The following SEMA6D variants were observed in gnomAD, a reference collection of about 807,000 sequenced individuals.
The protein encoded by SEMA6D is semaphorin 6D.
A neutral mutation model predicts 106.6 loss-of-function variants in SEMA6D; 35 were observed. The ratio of observed to expected loss-of-function variants is 0.33; its 90% CI spans 0.25 to 0.44. SEMA6D has a LOEUF of 0.44. Ranked by LOEUF, SEMA6D falls within the 20% of genes least tolerant of loss-of-function variation. SEMA6D has a pLI of 1.00. For missense variants in SEMA6D, 1,185 were observed against 1,345.9 expected, an observed-to-expected ratio of 0.88 and a Z score of 1.87; for synonymous variants, 499 against 487.7, an observed-to-expected ratio of 1.02 and a Z score of -0.31.
chr15:47,769,695 A>T (rs2082529311), intron 18 of SEMA6D, among the ~76,000 whole-genome samples: 1 of 152,090 alleles, frequency 6.6e-6, no homozygotes. Flanking sequence ...TCTTAAACTA[A>T]CTTTTTTTTA....
chr15:47,636,038 C>T (rs1474945525), intron 4 of SEMA6D, among the ~76,000 whole-genome samples: 4 of 151,482 alleles, frequency 2.6e-5, no homozygotes, highest in South Asian at 2.1e-4. Flanking sequence ...TCACAGAAGC[C>T]ATCTTGAATG....
At chr15:47,428,120 TAAC>T (rs2041404405) in intron 2 of SEMA6D, among the ~76,000 whole-genome samples, 3 of 152,236 alleles carry the variant, frequency 2.0e-5, no homozygotes, top group African/African-American at 2.4e-5. Context: ...ACATTATTAA[TAAC>T]AACAATATAT....
intron 1 of SEMA6D, among the ~76,000 whole-genome samples, chr15:47,211,100 T>C (rs2029963261): frequency 6.6e-6 from 1 of 152,180 alleles, no homozygotes; most frequent in African/African-American, 2.4e-5. Flanking sequence ...AACAGTTTTG[T>C]GTGTGTGATG....
intron 1 of SEMA6D, among the ~76,000 whole-genome samples, chr15:47,360,840 A>C (rs1199543409): frequency 1.3e-5 from 2 of 152,264 alleles, no homozygotes; most frequent in Non-Finnish European, 2.9e-5. Flanking sequence ...TCAAACACTA[A>C]ATCACAGGAA....
At chr15:47,302,217 C>T (rs746692657) in intron 1 of SEMA6D, among the ~76,000 whole-genome samples, 20 of 152,086 alleles carry the variant, frequency 1.3e-4, no homozygotes, top group Non-Finnish European at 2.8e-4. Context: ...TCCACTATTT[C>T]GTTCTTTTTA....
chr15:47,600,312 C>T lies in SEMA6D; in HGVS notation c.-86-553C>T, dbSNP rs114160400. Among the ~76,000 whole-genome samples, 584 of 152,152 alleles carry T rather than the reference C, an allele frequency of 3.8e-3. 2 individuals carry two copies. Among genetic ancestry groups the T allele is most frequent in the African/African-American group, 0.012 (514 of 41,518 alleles). On this transcript the variant is annotated intron_variant, in intron 3 of 19. Coordinates refer to the SEMA6D transcript ENST00000558014. Reference sequence around the variant, plus strand: ...ATTTTGTAGGATCTGAAACTTCCAACTCATTATTTCCAGGTTCTGAGTGTT... The same window carrying T: ...ATTTTGTAGGATCTGAAACTTCCAATTCATTATTTCCAGGTTCTGAGTGTT...
chr15:47,705,164 G>A (rs2078890470), intron 4 of SEMA6D, among the ~76,000 whole-genome samples: 1 of 152,092 alleles, frequency 6.6e-6, no homozygotes, highest in Non-Finnish European at 1.5e-5. Context: ...CCAACAGTGG[G>A]GCAGGAGAGC....
At chr15:47,210,862 G>T (rs1000574037) in intron 1 of SEMA6D, among the ~76,000 whole-genome samples, 15 of 150,240 alleles carry the variant, frequency 1.0e-4, no homozygotes, top group Non-Finnish European at 7.4e-5. Context: ...AATACTAAAA[G>T]TCGTTTAAAC....
intron 1 of SEMA6D, among the ~76,000 whole-genome samples, chr15:47,410,844 A>G (rs1392381396): frequency 3.3e-5 from 5 of 152,202 alleles, no homozygotes; most frequent in Non-Finnish European, 5.9e-5. Context: ...AACAAAACTG[A>G]CCTAATGATA....
intron 1 of SEMA6D, among the ~76,000 whole-genome samples, chr15:47,289,540 A>G (rs2035515927): frequency 6.6e-6 from 1 of 152,090 alleles, no homozygotes; most frequent in African/African-American, 2.4e-5. Flanking sequence ...TTTTGAGTGA[A>G]AGGCAAAAAG....
intron 4 of SEMA6D, among the ~76,000 whole-genome samples, chr15:47,613,717 G>A (rs911288318): frequency 6.6e-6 from 1 of 151,760 alleles, no homozygotes; most frequent in Non-Finnish European, 1.5e-5. Context: ...GTGGTGGCGC[G>A]ATCTCAGCTC....
intron 1 of SEMA6D, among the ~76,000 whole-genome samples, chr15:47,342,875 T>C (rs769353826): frequency 6.6e-6 from 1 of 152,140 alleles, no homozygotes; most frequent in Non-Finnish European, 1.5e-5. Flanking sequence ...CACACCCAGC[T>C]AATTTTTTTG....
At chr15:47,385,529 C>T (rs1322906964) in intron 1 of SEMA6D, among the ~76,000 whole-genome samples, 1 of 152,106 alleles carries the variant, frequency 6.6e-6, no homozygotes, top group Non-Finnish European at 1.5e-5. Context: ...TTTTCATAGC[C>T]TGCTTTGACT....
At chr15:47,689,099 C>T (rs548026484) in intron 4 of SEMA6D, among the ~76,000 whole-genome samples, 1 of 152,252 alleles carries the variant, frequency 6.6e-6, no homozygotes, top group African/African-American at 2.4e-5. Flanking sequence ...TACAGTAATG[C>T]CCTTCCCATA....
At chr15:47,517,746 A>G (rs1021915171) in intron 3 of SEMA6D, among the ~76,000 whole-genome samples, 2 of 152,046 alleles carry the variant, frequency 1.3e-5, no homozygotes, top group Non-Finnish European at 2.9e-5. Flanking sequence ...CCTCCACCCA[A>G]TGTTTCTGGG....
At chr15:47,751,007 G>A (rs569867072) in intron 1 of SEMA6D, among the ~76,000 whole-genome samples, 8 of 152,302 alleles carry the variant, frequency 5.3e-5, no homozygotes, top group African/African-American at 1.9e-4. Flanking sequence ...GAAGGGCCCA[G>A]AGTAGCCTGC....
At chr15:47,762,770 A>T (rs141439547) in intron 8 of SEMA6D, among the ~76,000 whole-genome samples, 149 of 152,310 alleles carry the variant, frequency 9.8e-4, no homozygotes, top group African/African-American at 3.4e-3. Context: ...CTGTTGAAAC[A>T]AAGACCTTTG....
At chr15:47,430,565 G>A (rs890101299) in intron 2 of SEMA6D, among the ~76,000 whole-genome samples, 1 of 152,030 alleles carries the variant, frequency 6.6e-6, no homozygotes, top group African/African-American at 2.4e-5. Flanking sequence ...TGGGTGGCAA[G>A]TCACATTGTT....
At chr15:47,234,389 T>C (rs755857349) in intron 1 of SEMA6D, among the ~76,000 whole-genome samples, 2 of 152,050 alleles carry the variant, frequency 1.3e-5, no homozygotes, top group Non-Finnish European at 2.9e-5. Context: ...TGGTTTTTGG[T>C]TACATGGATG....
Sources: allele counts gnomAD v4.1 joint callset (sites outside exome capture counted in the v4.1 genomes callset), GRCh38; gene constraint gnomAD v4.1.1; transcripts MANE v1.5; gene names NCBI Gene and HGNC (gene_info 2026-07-23, HGNC 2026-07-21).